MSANTD7: variants seen among roughly 807,000 people sequenced by gnomAD.
MSANTD7 encodes Myb/SANT DNA binding domain containing 7, also known as zinc finger and SCAN domain containing 29.
the MSANTD7 span, chr10:14,846,925 T>C: frequency 1.7e-5 from 17 of 985,292 alleles, no homozygotes; most frequent in Non-Finnish European, 2.0e-5. Flanking sequence ...GTGCTATGTA[T>C]ACCAACTTCT....
the MSANTD7 span, chr10:14,843,428 T>C: frequency 1.3e-6 from 2 of 1,550,808 alleles, no homozygotes; most frequent in South Asian, 1.2e-5. Flanking sequence ...AGAGGTGCAG[T>C]TGCTCCCTGT....
chr10:14,839,999 C>A, the MSANTD7 span: 19 of 1,583,894 alleles, frequency 1.2e-5, no homozygotes, highest in Non-Finnish European at 1.6e-5. Flanking sequence ...CTAGTCCCCC[C>A]ATTTTTGTAC....
chr10:14,840,057 T>C, the MSANTD7 span: 5 of 1,224,190 alleles, frequency 4.1e-6, no homozygotes, highest in East Asian at 1.1e-4. Flanking sequence ...TATATATATA[T>C]ATTATTTTTT....
the MSANTD7 span, chr10:14,840,146 C>T: frequency 7.0e-7 from 1 of 1,434,282 alleles, no homozygotes; most frequent in East Asian, 2.5e-5. Context: ...TAAAGCAGAT[C>T]CTGGGCAGAA....
chr10:14,840,679 AG>A, the MSANTD7 span, among the ~76,000 whole-genome samples: 7 of 152,216 alleles, frequency 4.6e-5, no homozygotes, highest in African/African-American at 1.7e-4. Flanking sequence ...ATCTGTTGTA[AG>A]TTTAATTAGA....
At chr10:14,840,244 C>G in the MSANTD7 span, 4 of 624,538 alleles carry the variant, frequency 6.4e-6, no homozygotes, top group Non-Finnish European at 9.8e-6. Context: ...TTAGAAACAG[C>G]ATAGTTTGTT....
the MSANTD7 span, chr10:14,840,040 TAATA>T: frequency 5.4e-6 from 7 of 1,304,730 alleles, no homozygotes; most frequent in Admixed American, 2.2e-5. Flanking sequence ...ACATACATTG[TAATA>T]TATATATATA....
At chr10:14,846,610 C>T in the MSANTD7 span, 1 of 962,266 alleles carries the variant, frequency 1.0e-6, no homozygotes, top group Non-Finnish European at 1.2e-6. Flanking sequence ...TCCAGCATTC[C>T]ATAACTCAGG....
the MSANTD7 span, chr10:14,843,978 T>A: frequency 1.3e-6 from 2 of 1,490,464 alleles, no homozygotes; most frequent in Non-Finnish European, 1.8e-6. Context: ...GCTCCTTTTC[T>A]GTGTCCTCAG....
At chr10:14,841,000 C>CT in the MSANTD7 span, among the ~76,000 whole-genome samples, 1 of 152,176 alleles carries the variant, frequency 6.6e-6, no homozygotes, top group Non-Finnish European at 1.5e-5. Context: ...AGGTTCTTTT[C>CT]TTTCAACTTT....
the MSANTD7 span, among the ~76,000 whole-genome samples, chr10:14,841,685 A>T: frequency 6.6e-6 from 1 of 152,248 alleles, no homozygotes; most frequent in Non-Finnish European, 1.5e-5. Flanking sequence ...GTGCAAAAAA[A>T]AAATTTGTAT....
chr10:14,845,587 C>CTAT, the MSANTD7 span: 12 of 928,368 alleles, frequency 1.3e-5, no homozygotes, highest in African/African-American at 1.1e-4. Flanking sequence ...TTGCCCTTTT[C>CTAT]TATTATTATT....
At chr10:14,845,601 T>TTA in the MSANTD7 span, 1 of 858,944 alleles carries the variant, frequency 1.2e-6, no homozygotes, top group South Asian at 5.3e-5. Flanking sequence ...TATTATTATT[T>TTA]TTTTTTTTTT....
At chr10:14,841,874 C>G in the MSANTD7 span, among the ~76,000 whole-genome samples, 2 of 152,190 alleles carry the variant, frequency 1.3e-5, no homozygotes, top group Non-Finnish European at 2.9e-5. Flanking sequence ...CCCTCCCAGC[C>G]CATCTACTCA....
At chr10:14,844,510 TG>T in the MSANTD7 span, 33 of 987,880 alleles carry the variant, frequency 3.3e-5, no homozygotes, top group Non-Finnish European at 8.4e-6. Flanking sequence ...AACCTGTATT[TG>T]TACCTTAATC....
At chr10:14,843,968 G>T in the MSANTD7 span, 1 of 1,504,726 alleles carries the variant, frequency 6.6e-7, no homozygotes, top group African/African-American at 1.4e-5. Flanking sequence ...TGAATCCCTG[G>T]CTCCTTTTCT....
chr10:14,838,558 G>A, the MSANTD7 span: 6 of 1,214,334 alleles, frequency 4.9e-6, no homozygotes, highest in East Asian at 5.3e-5. Flanking sequence ...CGCCGGCCTA[G>A]GGATGTCGTG....
At chr10:14,839,018 C>T in the MSANTD7 span, among the ~76,000 whole-genome samples, 2 of 152,174 alleles carry the variant, frequency 1.3e-5, no homozygotes, top group African/African-American at 2.4e-5. Flanking sequence ...GTCTAGGTCC[C>T]GGAGGGGCGG....
the MSANTD7 span, chr10:14,843,713 T>A: frequency 5.2e-6 from 8 of 1,538,834 alleles, no homozygotes; most frequent in Non-Finnish European, 7.0e-6. Flanking sequence ...GAAGAAAAAC[T>A]GGACAGGCTG....
Sources: gnomAD v4.1 joint callset for allele counts (sites outside exome capture counted in the v4.1 genomes callset) on GRCh38, gnomAD v4.1.1 for gene constraint, MANE v1.5 for transcripts, NCBI Gene and HGNC (gene_info 2026-07-23, HGNC 2026-07-21) for gene names.